The following PIWIL3 variants were observed in gnomAD, a reference collection of about 807,000 sequenced individuals.
The protein encoded by PIWIL3 is piwi like RNA-mediated gene silencing 3, also known as piwi-like protein 3.
A neutral mutation model predicts 109.7 loss-of-function variants in PIWIL3; 101 were observed. The observed-to-expected ratio is 0.92, with a 90% CI of 0.78 to 1.09. The LOEUF is 1.09. Ranked by LOEUF, PIWIL3 falls within the 50% of genes least tolerant of loss-of-function variation. The pLI, the probability that PIWIL3 is intolerant of heterozygous loss-of-function variation, is 0.00. For missense variants in PIWIL3, 1,031 were observed against 1,072.6 expected (o/e 0.96, Z 0.54); for synonymous variants, 373 against 376.4 (o/e 0.99, Z 0.10).
intron 19 of PIWIL3, among the ~76,000 whole-genome samples, chr22:24,722,243 C>T (rs1206958980): frequency 3.9e-5 from 6 of 152,066 alleles, no homozygotes; most frequent in Non-Finnish European, 8.8e-5. Context: ...CCACCATGCC[C>T]GGCTAATTTT....
chr22:24,738,272 C>T (rs188287230), intron 12 of PIWIL3, among the ~76,000 whole-genome samples: 11 of 152,348 alleles, frequency 7.2e-5, no homozygotes, highest in East Asian at 5.8e-4. Flanking sequence ...TTTTTGACTC[C>T]AGTCCCTGAC....
chr22:24,752,357 G>A (rs546239630), intron 8 of PIWIL3, among the ~76,000 whole-genome samples: 1 of 152,276 alleles, frequency 6.6e-6, no homozygotes, highest in South Asian at 2.1e-4. Context: ...CCTGCCATGT[G>A]TGCAGGTGTT....
At chr22:24,755,402 C>A (rs1009175213) in intron 6 of PIWIL3, among the ~76,000 whole-genome samples, 3 of 152,216 alleles carry the variant, frequency 2.0e-5, no homozygotes, top group African/African-American at 7.2e-5. Context: ...GGATTACAGG[C>A]GTGAGCCACC....
intron 6 of PIWIL3, 87 bp downstream of exon 6, chr22:24,755,697 G>A (rs1924983021): frequency 6.6e-7 from 1 of 1,524,538 alleles, no homozygotes; most frequent in Non-Finnish European, 9.0e-7. Context: ...AGAACACTAA[G>A]TGCTAGAAGC....
intron 12 of PIWIL3, among the ~76,000 whole-genome samples, chr22:24,736,695 AAC>A (rs141493269): frequency 0.048 from 7,242 of 152,230 alleles, 288 homozygotes; most frequent in South Asian, 0.12. Context: ...AGGTAGGAAA[AAC>A]AGTCTTGAAT....
chr22:24,754,669 C>T, intron 7 of PIWIL3, 115 bp downstream of exon 7: 1 of 785,076 alleles, frequency 1.3e-6, no homozygotes, highest in Non-Finnish European at 2.1e-6. Flanking sequence ...CAGTGGATAC[C>T]ATTTAAAAGG....
At chr22:24,746,388 C>G (rs1436786863) in intron 12 of PIWIL3, among the ~76,000 whole-genome samples, 1 of 151,962 alleles carries the variant, frequency 6.6e-6, no homozygotes, top group African/African-American at 2.4e-5. Flanking sequence ...AATTGAAAAC[C>G]CTCAAAACCT....
At chr22:24,743,746 A>G (rs1164789170) in intron 12 of PIWIL3, among the ~76,000 whole-genome samples, 2 of 152,204 alleles carry the variant, frequency 1.3e-5, no homozygotes, top group African/African-American at 2.4e-5. Context: ...GGATGCACCA[A>G]AAGTACAAAT....
Position 24,756,789 on chromosome 22 carries a change from C to T in PIWIL3, c.356-84G>A, listed in dbSNP as rs534962471. The stretch of plus-strand genomic sequence containing the variant: ...GTTTGGACACTACAATATTAAAAGC[C>T]AAAGTTAGGGCTGGGCACGGTGGCT... On this transcript the variant is annotated intron_variant, in intron 4 of 20. Coordinates refer to ENST00000616349, the MANE Select transcript of PIWIL3 (RefSeq NM_001255975.1). The T allele has an allele frequency of 1.5e-5, 19 of 1,249,686 alleles. No homozygotes were observed. The East Asian group carries it at 4.0e-4, about 26-fold the overall frequency. 77.4% of individuals were successfully genotyped at this position (1,249,686 alleles called of 1,614,324 possible).
intron 1 of PIWIL3, among the ~76,000 whole-genome samples, chr22:24,768,248 T>C (rs1399022071): frequency 6.6e-6 from 1 of 151,534 alleles, no homozygotes; most frequent in African/African-American, 2.4e-5. Context: ...TGTTGTTTGT[T>C]TTTTGTGTTT....
intron 2 of PIWIL3, 96 bp downstream of exon 2, chr22:24,762,302 T>A: frequency 1.3e-6 from 2 of 1,505,946 alleles, no homozygotes; most frequent in Non-Finnish European, 1.8e-6. Flanking sequence ...CACTTAGCAC[T>A]ATACCTGAAC....
chr22:24,726,400 A>C (rs1240854336), intron 16 of PIWIL3, among the ~76,000 whole-genome samples: 1 of 151,432 alleles, frequency 6.6e-6, no homozygotes, highest in Non-Finnish European at 1.5e-5. Context: ...CTCCTACCTC[A>C]GCCTCCTAAG....
chr22:24,760,787 A>C, intron 2 of PIWIL3, among the ~76,000 whole-genome samples: 1 of 146,940 alleles, frequency 6.8e-6, no homozygotes. Flanking sequence ...TCTCAAAAAA[A>C]AAAAAAAAAA....
intron 12 of PIWIL3, among the ~76,000 whole-genome samples, chr22:24,747,681 GA>G (rs1329930897): frequency 2.0e-5 from 3 of 152,146 alleles, no homozygotes; most frequent in African/African-American, 4.8e-5. Context: ...ACAGGCATAT[GA>G]AAAAGTGCTG....
In PIWIL3 at chr22:24,749,728, G is replaced by A; in HGVS notation, c.1181C>T (p.Pro394Leu). The change falls in exon 10 of 21, where the codon CCT becomes CTT. Residue 394 changes from proline to leucine, a missense_variant. Physicochemically the swap from Pro to Leu is moderately conservative, Grantham distance 98. Coordinates refer to ENST00000616349, the MANE Select transcript of PIWIL3 (RefSeq NM_001255975.1). ...GCACAGCTGAGGAATCAGCAGGATA[G>A]GTTCACGTTGTGTACCCGTTAGGCC... ...KKGLTGTQRE[P>L]ILLIPQLCHM... The A allele has an allele frequency of 6.2e-7, 1 of 1,614,054 alleles. No individual in the cohort carries two copies. The highest frequency in any genetic ancestry group is 8.5e-7 in the Non-Finnish European group (1 of 1,180,020).
chr22:24,744,184 A>AAAAAAAAAAAAAAAC (rs1924191855), intron 12 of PIWIL3, among the ~76,000 whole-genome samples: 1 of 144,264 alleles, frequency 6.9e-6, no homozygotes, highest in East Asian at 2.0e-4. Context: ...GAATTAAAAA[A>AAAAAAAAAAAAAAAC]AAAAAAAAAA....
At chr22:24,771,826 C>G (rs7289331) in intron 1 of PIWIL3, among the ~76,000 whole-genome samples, 66,003 of 151,404 alleles carry the variant, frequency 0.44, 14,634 homozygotes, top group East Asian at 0.59. Flanking sequence ...CTCCACCTCC[C>G]CGGTTCAAGC....
intron 1 of PIWIL3, among the ~76,000 whole-genome samples, chr22:24,770,465 GTACCATGGTAGCT>G (rs1926070044): frequency 6.6e-6 from 1 of 151,900 alleles, no homozygotes; most frequent in South Asian, 2.1e-4. Flanking sequence ...GACACTCCTT[GTACCATGGTAGCT>G]TATCTAATTA....
intron 15 of PIWIL3, 24 bp downstream of exon 15, chr22:24,728,153 C>T (rs533347989): frequency 1.2e-5 from 19 of 1,611,506 alleles, no homozygotes; most frequent in South Asian, 5.5e-5. Flanking sequence ...GTAAGTTAAA[C>T]GAAGTCAGTG....
Sources: gnomAD v4.1 joint callset for allele counts (sites outside exome capture counted in the v4.1 genomes callset) on GRCh38, gnomAD v4.1.1 for gene constraint, MANE v1.5 for transcripts, NCBI Gene and HGNC (gene_info 2026-07-23, HGNC 2026-07-21) for gene names.